Variants in CERCAM observed in about 807,000 individuals in gnomAD.
The protein encoded by CERCAM is cerebral endothelial cell adhesion molecule, also known as inactive glycosyltransferase 25 family member 3.
A neutral mutation model predicts 66.0 loss-of-function variants in CERCAM; 59 were observed. The observed-to-expected ratio is 0.89, with a 90% confidence interval of 0.73 to 1.11. CERCAM has a LOEUF of 1.11. Among genes scored for constraint, CERCAM ranks in the 50% most tolerant of loss-of-function variants. The probability of loss-of-function intolerance (pLI) is 0.00; values close to 1 mark genes in which losing one functional copy is unlikely to be tolerated. For synonymous variants in CERCAM, 318 were observed against 343.6 expected (o/e 0.93, Z 0.83); for missense variants, 840 against 828.3 (o/e 1.01, Z -0.17).
intron 9 of CERCAM, 146 bp downstream of exon 9, chr9:128,431,449 C>G (rs553610236): frequency 3.8e-5 from 37 of 962,164 alleles, no homozygotes; most frequent in Non-Finnish European, 5.2e-5. Flanking sequence ...GTTCAACACC[C>G]CAGTGGGCAC....
At chr9:128,427,067 C>T (rs1833862010) in intron 5 of CERCAM, among the ~76,000 whole-genome samples, 2 of 152,172 alleles carry the variant, frequency 1.3e-5, no homozygotes, top group African/African-American at 4.8e-5. Flanking sequence ...GGCTCTGGGC[C>T]AGGCTCTGTG....
In CERCAM at chr9:128,422,914, G is replaced by C. The variant is rs529788008; in HGVS notation, c.244G>C (p.Glu82Gln). The change falls in exon 2 of 13, where the codon GAG (glutamate) becomes CAG (glutamine). Residue 82 changes from glutamate to glutamine, a missense_variant. Physicochemically the swap from Glu to Gln is conservative, Grantham distance 29. Coordinates refer to ENST00000372838, the MANE Select transcript of CERCAM (RefSeq NM_016174.5). ...GGACAACACCACAGAGATGCTGCAG[G>C]AGTGGCTGGCGGCTGTGGGCGATGA... ...NVDNTTEMLQ[E>Q]WLAAVGDDYA... is the part of the protein sequence containing the mutation. 15 of 1,614,138 alleles carry C rather than the reference G, an allele frequency of 9.3e-6. No individual in the cohort carries two copies. In the East Asian group the frequency reaches 3.3e-4, roughly 36 times the overall value.
intron 8 of CERCAM, among the ~76,000 whole-genome samples, chr9:128,430,195 C>T (rs190819055): frequency 5.7e-4 from 86 of 152,154 alleles, no homozygotes; most frequent in Middle Eastern, 6.8e-3. Flanking sequence ...GTCAGGAGTT[C>T]GAGACCAGCC....
Position 128,421,438 on chromosome 9 carries a change from C to T in CERCAM, c.197+364C>T, listed in dbSNP as rs1274808899. The T allele has an allele frequency of 3.0e-5, 31 of 1,028,384 alleles. No individual in the cohort carries two copies. The East Asian group carries it at 2.3e-3, about 78-fold the overall frequency. 63.7% of individuals were successfully genotyped at this position (1,028,384 alleles called of 1,614,324 possible). A position where few individuals can be genotyped will look rare whatever the true frequency, so the allele number is the denominator to read the frequency against. On this transcript the variant is annotated intron_variant, in intron 1 of 12. Coordinates refer to ENST00000372838, the MANE Select transcript of CERCAM (RefSeq NM_016174.5). ...GTGGTTGGCTGGATTTGAAGAGGAG[C>T]AGACAGGAACCTCTGAAGTCCACTG...
chr9:128,432,229 T>C (rs1833992590), intron 9 of CERCAM, among the ~76,000 whole-genome samples: 1 of 152,054 alleles, frequency 6.6e-6, no homozygotes, highest in Non-Finnish European at 1.5e-5. Context: ...TTTCGCCATA[T>C]TGGTCAGGCT....
rs371211758 is a variant in CERCAM at position 128,434,600 on chromosome 9, G to C, written c.1522G>C (p.Asp508His). Residue 508 changes from aspartate to histidine, a missense_variant, in exon 11 of 13, where the codon GAC becomes CAC. Coordinates refer to ENST00000372838, the MANE Select transcript of CERCAM (RefSeq NM_016174.5). The surrounding 1 kb of genome is among the most constrained non-coding windows in gnomAD (Gnocchi z 4.5). ...PVDEFLPIMFDQHPNEQYKAH... is the reference protein window; with the variant it reads ...PVDEFLPIMFHQHPNEQYKAH... The stretch of plus-strand genomic sequence containing the variant: ...GGACGAGTTCCTGCCCATCATGTTC[G>C]ACCAGCACCCCAAGTGAGGCTCTGA... 4 of 1,605,638 alleles carry C rather than the reference G, an allele frequency of 2.5e-6. No individual in the cohort carries two copies. The highest frequency in any genetic ancestry group is 3.4e-6 in the Non-Finnish European group (4 of 1,179,592).
intron 1 of CERCAM, chr9:128,422,509 AG>A (rs1833733317): frequency 5.5e-6 from 1 of 180,756 alleles, no homozygotes; most frequent in South Asian, 1.4e-4. Context: ...CGGAGGTTGC[AG>A]TGAGTCGAGA....
At chr9:128,426,606 C>A (rs1046290010) in intron 5 of CERCAM, among the ~76,000 whole-genome samples, 1 of 141,442 alleles carries the variant, frequency 7.1e-6, no homozygotes. Context: ...GGCGACAGAG[C>A]GAGACTCTGT....
intron 5 of CERCAM, among the ~76,000 whole-genome samples, chr9:128,426,169 C>G (rs1009250541): frequency 6.6e-6 from 1 of 152,088 alleles, no homozygotes; most frequent in Non-Finnish European, 1.5e-5. Flanking sequence ...GCCTGTAGTC[C>G]CAGCTTCCTG....
Position 128,420,892 on chromosome 9 carries a change from C to T in CERCAM, c.15C>T (p.Arg5=). The part of the protein sequence containing the change: MRAA[R]AAPLLQLLLL... ...AAGCGCCCGCCATGCGCGCTGCCCG[C>T]GCCGCGCCGCTGCTCCAGCTGCTGC... is the stretch of plus-strand genomic sequence containing the variant. Residue 5 remains arginine (R), a synonymous_variant, in exon 1 of 13, where the codon CGC becomes CGT. Coordinates refer to ENST00000372838, the MANE Select transcript of CERCAM (RefSeq NM_016174.5). The surrounding 1 kb of genome is among the most constrained non-coding windows in gnomAD (Gnocchi z 5.0). The T allele has an allele frequency of 7.6e-7, 1 of 1,313,184 alleles. No individual in the cohort carries two copies. The highest frequency in any genetic ancestry group is 9.7e-7 in the Non-Finnish European group (1 of 1,033,710). The allele number at this position is 1,313,184 out of a possible 1,614,324, so 81.3% of individuals were successfully genotyped here.
chr9:128,428,448 A>C lies in CERCAM; in HGVS notation c.886+27A>C, dbSNP rs1488840520. 3 of 1,612,278 alleles carry C rather than the reference A, an allele frequency of 1.9e-6. 1 individual carries two copies. The South Asian group carries it at 3.3e-5, about 18-fold the overall frequency. On this transcript the variant is annotated intron_variant, in intron 6 of 12. Transcript: ENST00000372838. ...TGAGGGCTGGGGAACTGTTCCACCC[A>C]CCTGCTGCCGGGGCTCCCTGCCTCC...
In CERCAM at chr9:128,435,840, C is replaced by A. The variant is rs1046307; in HGVS notation, c.1723C>A (p.Pro575Thr). ...WSGSQKTLRS[P>T]RLDLTGSSGH... ...CGGCTCCCAAAAGACCCTGCGCAGC[C>A]CCCGCCTGGACCTGACTGGCAGCAG... is the stretch of plus-strand genomic sequence containing the variant. Residue 575 changes from proline (P) to threonine (T), a missense_variant, in exon 12 of 13, where the codon CCC (proline) becomes ACC (threonine). Pro to Thr is a conservative substitution (Grantham distance 38). Coordinates refer to ENST00000372838, the MANE Select transcript of CERCAM (RefSeq NM_016174.5). 2,462 of 1,610,426 alleles carry A rather than the reference C, an allele frequency of 1.5e-3. 31 individuals are homozygous for A. The African/African-American group carries it at 0.028, about 18-fold the overall frequency.
At position 128,422,886 on chromosome 9, in the gene CERCAM, T is replaced by C. The variant is rs202191615; in HGVS notation, c.216T>C (p.Asn72=). 531 of 1,614,034 alleles carry C rather than the reference T, an allele frequency of 3.3e-4. 2 individuals are homozygous for C. In the African/African-American group the frequency reaches 6.5e-3, roughly 20 times the overall value. The change falls in exon 2 of 13, where the codon AAT becomes AAC. Residue 72 remains asparagine (N), a synonymous_variant. Transcript: ENST00000372838. ...TCCCCAGGTGTGCCACGGACCACAATGTGGACAACACCACAGAGATGCTGC... is the reference window on the plus strand; with the variant it reads ...TCCCCAGGTGTGCCACGGACCACAACGTGGACAACACCACAGAGATGCTGC... ...RMALWCATDH[N]VDNTTEMLQE... is the part of the protein sequence containing the mutation.
rs370380487 is a variant in CERCAM at position 128,424,430 on chromosome 9, C to A, written c.582C>A (p.Ala194=). Residue 194 remains alanine, a synonymous_variant, in exon 5 of 13, where the codon GCC becomes GCA. Transcript: ENST00000372838. ...CCCAGGGCTACTACCGCCGCACAGC[C>A]GAGTACTTCCCCACCAAGAACCGCC... The part of the protein sequence containing the change: ...ITPQGYYRRT[A]EYFPTKNRQR... 1.2e-6 allele frequency: 2 copies of A among 1,613,938 alleles called. No homozygotes were observed. Among genetic ancestry groups the A allele is most frequent in the Non-Finnish European group, 1.7e-6 (2 of 1,180,032 alleles).
intron 5 of CERCAM, among the ~76,000 whole-genome samples, chr9:128,425,075 T>G (rs1833811541): frequency 6.7e-6 from 1 of 150,210 alleles, no homozygotes; most frequent in African/African-American, 2.5e-5. Context: ...TTGTTGTTTT[T>G]GGGACAGAGT....
At position 128,434,506 on chromosome 9, in the gene CERCAM, C is replaced by G. The variant is rs1446042898; in HGVS notation, c.1428C>G (p.Ala476=). The G allele has an allele frequency of 1.9e-6, 3 of 1,613,434 alleles. No individual in the cohort carries two copies. The highest frequency in any genetic ancestry group is 1.3e-5 in the African/African-American group (1 of 74,932). Residue 476 remains alanine, a synonymous_variant, in exon 11 of 13, where the codon GCC becomes GCG. Transcript: ENST00000372838. This position sits in a 1 kb window ranked among gnomAD's most constrained non-coding sequence, Gnocchi z 4.5. The stretch of plus-strand genomic sequence containing the variant: ...CTGGGTACTCCTACTGGACGCTGGC[C>G]TATGCCCTGCGTCTGGCGGGTGCCC... The part of the protein sequence containing the change: ...VVAGYSYWTL[A]YALRLAGARK...
intron 8 of CERCAM, among the ~76,000 whole-genome samples, chr9:128,429,778 T>C (rs1022377433): frequency 1.3e-5 from 2 of 151,794 alleles, no homozygotes; most frequent in Non-Finnish European, 2.9e-5. Flanking sequence ...CACATCCAGC[T>C]AATTAAAAAG....
At chr9:128,433,308 CGGT>C (rs1834024870) in intron 9 of CERCAM, among the ~76,000 whole-genome samples, 1 of 149,960 alleles carries the variant, frequency 6.7e-6, no homozygotes, top group Admixed American at 6.7e-5. Flanking sequence ...AAAATTAGCC[CGGT>C]GTGGTGGTGG....
chr9:128,435,487 C>T (rs1008299019), intron 11 of CERCAM, among the ~76,000 whole-genome samples, 166 bp from the exon 12 acceptor site: 54 of 152,170 alleles, frequency 3.5e-4, no homozygotes, highest in African/African-American at 1.3e-3. Context: ...GTTTCCTCAT[C>T]TGGAAAATGG....
Sources: gnomAD v4.1 joint callset for allele counts (sites outside exome capture counted in the v4.1 genomes callset) on GRCh38, gnomAD v4.1.1 for gene constraint, Gnocchi (gnomAD v3.1) non-coding constraint, MANE v1.5 for transcripts, NCBI Gene and HGNC (gene_info 2026-07-23, HGNC 2026-07-21) for gene names.